GRM7: variants seen among roughly 807,000 people sequenced by gnomAD.
GRM7 encodes metabotropic glutamate receptor 7.
Under a neutral mutation model 84.5 loss-of-function variants are expected in GRM7, and 35 were observed. That is an observed-to-expected ratio of 0.41 (90% CI 0.32 to 0.55). GRM7 has a LOEUF of 0.55. Among genes scored for constraint, GRM7 ranks in the 20% least tolerant of loss-of-function variants. The pLI is 0.19. For synonymous variants in GRM7, 487 were observed against 455.1 expected (o/e 1.07, Z -0.89); for missense variants, 1,003 against 1,194.6 (o/e 0.84, Z 2.36).
chr3:7,253,952 T>C (rs901941849), intron 2 of GRM7, among the ~76,000 whole-genome samples: 2 of 152,198 alleles, frequency 1.3e-5, no homozygotes, highest in Non-Finnish European at 2.9e-5. Flanking sequence ...GCTTTGAGTA[T>C]TGAGTATTGT....
At chr3:7,654,073 C>G (rs1158163899) in intron 8 of GRM7, among the ~76,000 whole-genome samples, 1 of 140,620 alleles carries the variant, frequency 7.1e-6, no homozygotes, top group Admixed American at 7.3e-5. Flanking sequence ...GCTGTCCTAC[C>G]TTAGGTTCCT....
At chr3:7,173,438 C>A (rs569863077) in intron 2 of GRM7, among the ~76,000 whole-genome samples, 2 of 152,188 alleles carry the variant, frequency 1.3e-5, no homozygotes, top group East Asian at 3.9e-4. Context: ...TTATAAAATG[C>A]ATTTCATATG....
At chr3:7,286,047 A>C (rs1699420409) in intron 2 of GRM7, among the ~76,000 whole-genome samples, 1 of 152,170 alleles carries the variant, frequency 6.6e-6, no homozygotes, top group Non-Finnish European at 1.5e-5. Flanking sequence ...ATAGGTAGCA[A>C]CCCAGCTATG....
chr3:7,656,538 T>TAC (rs1206359430), intron 8 of GRM7, among the ~76,000 whole-genome samples: 1 of 21,068 alleles, frequency 4.7e-5, no homozygotes, highest in Non-Finnish European at 7.9e-5. Context: ...TATATATATA[T>TAC]ACGCGCGCGC....
intron 1 of GRM7, among the ~76,000 whole-genome samples, chr3:7,103,255 A>AT (rs1191697788): frequency 1.3e-5 from 2 of 151,592 alleles, no homozygotes; most frequent in African/African-American, 4.8e-5. Context: ...TGTTTCATGC[A>AT]TTTTTTCTGT....
At chr3:7,343,414 A>T (rs746412586) in intron 4 of GRM7, among the ~76,000 whole-genome samples, 2 of 151,944 alleles carry the variant, frequency 1.3e-5, no homozygotes, top group Non-Finnish European at 2.9e-5. Context: ...GGGTCTCACT[A>T]TGTTGCCCAG....
At chr3:7,288,086 T>C (rs901844243) in intron 2 of GRM7, among the ~76,000 whole-genome samples, 2 of 152,166 alleles carry the variant, frequency 1.3e-5, no homozygotes, top group Non-Finnish European at 2.9e-5. Context: ...AAACATTACA[T>C]TTACCATACG....
chr3:7,226,507 A>T (rs1696986366), intron 2 of GRM7, among the ~76,000 whole-genome samples: 1 of 152,182 alleles, frequency 6.6e-6, no homozygotes, highest in Non-Finnish European at 1.5e-5. Context: ...CTCCAGTCAA[A>T]GACAGAGTTC....
At chr3:7,082,050 T>G (rs1332483619) in intron 1 of GRM7, among the ~76,000 whole-genome samples, 4 of 152,110 alleles carry the variant, frequency 2.6e-5, no homozygotes, top group Non-Finnish European at 5.9e-5. Flanking sequence ...CAGCAGCAAT[T>G]TATCCAGAAA....
chr3:6,931,837 G>T (rs957671796), intron 1 of GRM7, among the ~76,000 whole-genome samples: 5 of 152,224 alleles, frequency 3.3e-5, no homozygotes, highest in Non-Finnish European at 7.3e-5. Context: ...CATTTGAAAC[G>T]CTGGAATGCA....
intron 9 of GRM7, chr3:7,693,659 T>G: frequency 2.0e-6 from 3 of 1,531,254 alleles, no homozygotes; most frequent in Non-Finnish European, 2.6e-6. Context: ...CTACTGACCA[T>G]CTGCACTGGC....
chr3:7,200,260 T>C (rs552338053), intron 2 of GRM7, among the ~76,000 whole-genome samples: 31 of 152,250 alleles, frequency 2.0e-4, no homozygotes, highest in African/African-American at 6.0e-4. Context: ...CACTGCCACA[T>C]TGGGGATCAA....
chr3:7,080,635 T>C (rs534556748), intron 1 of GRM7, among the ~76,000 whole-genome samples: 12 of 152,016 alleles, frequency 7.9e-5, no homozygotes, highest in African/African-American at 2.7e-4. Flanking sequence ...TAGACATATA[T>C]GTATATATGT....
chr3:7,059,329 A>G (rs1300011093), intron 1 of GRM7, among the ~76,000 whole-genome samples: 1 of 151,786 alleles, frequency 6.6e-6, no homozygotes, highest in Admixed American at 6.6e-5. Context: ...GCCACTTTTT[A>G]CTACTTGTTT....
rs538443540 is a variant in GRM7, at chr3:7,038,323, C to T, written c.520-108129C>T. On this transcript the variant is annotated intron_variant, in intron 1 of 9. Coordinates refer to ENST00000357716, the MANE Select transcript of GRM7 (RefSeq NM_000844.4). The stretch of plus-strand genomic sequence containing the variant: ...ATACATAGCCTTATTGACCGGGCTT[C>T]TTAAGAATCAGGATTCTTGCTCTAC... Among the ~76,000 whole-genome samples, 3 of 152,310 alleles carry T rather than the reference C, an allele frequency of 2.0e-5. No individual in the cohort carries two copies. In the South Asian group the frequency reaches 6.2e-4, roughly 32 times the overall value.
intron 1 of GRM7, among the ~76,000 whole-genome samples, chr3:7,108,024 T>C (rs1357974188): frequency 2.0e-5 from 3 of 152,022 alleles, no homozygotes; most frequent in South Asian, 2.1e-4. Flanking sequence ...AAGGGAAATA[T>C]GTGAGCCTTT....
rs141451529 is a variant in GRM7, at chr3:7,178,805, G to A, written c.736+32137G>A. On this transcript the variant is annotated intron_variant, in intron 2 of 9. Transcript: ENST00000357716. Reference sequence around the variant, plus strand: ...TATGAAAAAAAAAATGTTAGGCTGCGCACCATGGCTCATGCCTGTAATCCC... The same window carrying A: ...TATGAAAAAAAAAATGTTAGGCTGCACACCATGGCTCATGCCTGTAATCCC... Among the ~76,000 whole-genome samples, 271 of 152,188 alleles carry A rather than the reference G, an allele frequency of 1.8e-3. 1 individual carries two copies. The highest frequency in any genetic ancestry group is 5.5e-3 in the African/African-American group (229 of 41,530).
chr3:7,156,956 GA>G (rs796215555), intron 2 of GRM7, among the ~76,000 whole-genome samples: 4,784 of 139,016 alleles, frequency 0.034, 254 homozygotes, highest in African/African-American at 0.12. Context: ...TACTTAAGCA[GA>G]AAAAAAAAAA....
intron 2 of GRM7, among the ~76,000 whole-genome samples, chr3:7,221,995 G>A (rs895285443): frequency 6.6e-6 from 1 of 151,726 alleles, no homozygotes; most frequent in African/African-American, 2.4e-5. Context: ...TTTTAGTAGA[G>A]ACGGGGTTTC....
Sources: allele counts gnomAD v4.1 joint callset (sites outside exome capture counted in the v4.1 genomes callset), GRCh38; gene constraint gnomAD v4.1.1; transcripts MANE v1.5; gene names NCBI Gene and HGNC (gene_info 2026-07-23, HGNC 2026-07-21).